The following SSBP3 variants were observed in gnomAD, a reference collection of about 807,000 sequenced individuals.
SSBP3 encodes the protein single-stranded DNA-binding protein 3.
Under a neutral mutation model 69.6 loss-of-function variants are expected in SSBP3, and 5 were observed. That is an observed-to-expected ratio of 0.07 (90% CI 0.04 to 0.15). SSBP3 has a LOEUF of 0.15. Among genes scored for constraint, SSBP3 ranks in the 10% least tolerant of loss-of-function variants. The pLI, the probability that SSBP3 is intolerant of heterozygous loss-of-function variation, is 1.00. For missense variants in SSBP3, 312 were observed against 534.0 expected, an observed-to-expected ratio of 0.58 and a Z score of 4.10; for synonymous variants, 196 against 193.4, an observed-to-expected ratio of 1.01 and a Z score of -0.11.
intron 7 of SSBP3, among the ~76,000 whole-genome samples, chr1:54,254,938 T>C (rs1423299283): frequency 6.6e-6 from 1 of 152,154 alleles, no homozygotes; most frequent in Admixed American, 6.5e-5. Context: ...GTCCCAGCGA[T>C]TCTCCTGCCT....
chr1:54,350,341 G>A (rs529239703), intron 4 of SSBP3, among the ~76,000 whole-genome samples: 3 of 152,296 alleles, frequency 2.0e-5, no homozygotes, highest in South Asian at 2.1e-4. Context: ...TTGAAAGTGC[G>A]GAACAAGCGC....
At chr1:54,299,387 T>A (rs7531781) in intron 4 of SSBP3, among the ~76,000 whole-genome samples, 104,409 of 151,970 alleles carry the variant, frequency 0.69, 36,061 homozygotes, top group East Asian at 0.91. Context: ...TCCCCTACCC[T>A]CTGCCATTTT....
chr1:54,334,525 T>C (rs1481559356), intron 4 of SSBP3, among the ~76,000 whole-genome samples: 1 of 152,204 alleles, frequency 6.6e-6, no homozygotes, highest in Non-Finnish European at 1.5e-5. Flanking sequence ...GCTCTGAGTC[T>C]GACCTGGATT....
intron 4 of SSBP3, among the ~76,000 whole-genome samples, chr1:54,386,683 C>CCTTTT (rs1648105405): frequency 1.3e-5 from 1 of 76,136 alleles, no homozygotes; most frequent in African/African-American, 6.9e-5. Flanking sequence ...ACTGATCCTA[C>CCTTTT]TTTTTTTTTT....
At chr1:54,312,582 CAT>C (rs1437202487) in intron 4 of SSBP3, among the ~76,000 whole-genome samples, 1 of 152,086 alleles carries the variant, frequency 6.6e-6, no homozygotes, top group African/African-American at 2.4e-5. Flanking sequence ...TGCAGGATTA[CAT>C]AGAGGACCAG....
intron 5 of SSBP3, among the ~76,000 whole-genome samples, chr1:54,275,376 C>G (rs547408693): frequency 1.3e-5 from 2 of 152,222 alleles, no homozygotes; most frequent in Admixed American, 1.3e-4. Flanking sequence ...CCAAGTCTCC[C>G]CTTGTCACAA....
At chr1:54,320,926 C>T (rs187651439) in intron 4 of SSBP3, among the ~76,000 whole-genome samples, 67 of 152,280 alleles carry the variant, frequency 4.4e-4, no homozygotes, top group African/African-American at 1.6e-3. Flanking sequence ...TAGTTTATTC[C>T]GCTCTGGGAG....
At chr1:54,302,566 A>C (rs141896654) in intron 4 of SSBP3, among the ~76,000 whole-genome samples, 1 of 152,056 alleles carries the variant, frequency 6.6e-6, no homozygotes, top group African/African-American at 2.4e-5. Context: ...TATTCCTTTA[A>C]TATTTGTTTC....
intron 7 of SSBP3, among the ~76,000 whole-genome samples, chr1:54,253,737 C>T (rs969659097): frequency 3.3e-5 from 5 of 152,136 alleles, no homozygotes; most frequent in Non-Finnish European, 5.9e-5. Flanking sequence ...CTGGGGGATC[C>T]CAGGACATGG....
chr1:54,409,726 C>G (rs893401616), upstream of SSBP3, among the ~76,000 whole-genome samples: 2 of 152,112 alleles, frequency 1.3e-5, no homozygotes, highest in Admixed American at 1.3e-4. Context: ...TCTCTCTGTC[C>G]CCCATCTTTC....
rs886149211 is a variant in SSBP3, at chr1:54,260,372, C to A, written c.367-2223G>T. ...TCAGGGCGAGCAGTGGGGCTCTGGG[C>A]AAGCCCCTCACACCTGTGTGCCCAG... On this transcript the variant is annotated intron_variant, in intron 5 of 17. Transcript: ENST00000610401. 3.9e-5 allele frequency among the ~76,000 whole-genome samples: 6 copies of A among 152,230 alleles called. No homozygotes were observed. In the East Asian group the frequency reaches 9.6e-4, roughly 24 times the overall value.
Position 54,404,458 on chromosome 1 carries a change from T to C in SSBP3, c.191+118A>G, listed in dbSNP as rs1485163553. 2.4e-6 allele frequency: 3 copies of C among 1,258,538 alleles called. No individual in the cohort carries two copies. The Admixed American group carries it at 5.4e-5, about 23-fold the overall frequency. 78.0% of individuals were successfully genotyped at this position (1,258,538 alleles called of 1,614,324 possible). On this transcript the variant is annotated intron_variant, in intron 3 of 17. Coordinates refer to ENST00000610401, the Ensembl canonical transcript of SSBP3. ...CGGAGTGCCTCGAGGTGCCCCGCTC[T>C]GTGCAACGCAGAGGGCCACAGGGCG...
At chr1:54,344,014 G>A (rs1194056350) in intron 4 of SSBP3, among the ~76,000 whole-genome samples, 1 of 152,176 alleles carries the variant, frequency 6.6e-6, no homozygotes, top group Non-Finnish European at 1.5e-5. Flanking sequence ...AAAAAGAAGA[G>A]ATGGTGGGAA....
chr1:54,239,624 C>T (rs986650499), intron 13 of SSBP3, among the ~76,000 whole-genome samples: 1 of 152,214 alleles, frequency 6.6e-6, no homozygotes, highest in Non-Finnish European at 1.5e-5. Flanking sequence ...GCCACCCTGC[C>T]AGGCTGATGG....
intron 4 of SSBP3, among the ~76,000 whole-genome samples, chr1:54,380,399 C>T (rs1466512593): frequency 1.3e-5 from 2 of 152,250 alleles, no homozygotes; most frequent in African/African-American, 4.8e-5. Flanking sequence ...AGGCCACAAT[C>T]GGCTTTGGAT....
At chr1:54,354,831 T>C (rs1646838099) in intron 4 of SSBP3, among the ~76,000 whole-genome samples, 1 of 152,106 alleles carries the variant, frequency 6.6e-6, no homozygotes, top group African/African-American at 2.4e-5. Context: ...CACGGTGCCT[T>C]AGGGAGGAGT....
At chr1:54,232,404 G>T (rs908105658) in intron 14 of SSBP3, among the ~76,000 whole-genome samples, 1 of 152,082 alleles carries the variant, frequency 6.6e-6, no homozygotes, top group Non-Finnish European at 1.5e-5. Context: ...CTACAGGCTC[G>T]AGCCACTGCA....
At chr1:54,259,662 G>C (rs573522349) in intron 5 of SSBP3, among the ~76,000 whole-genome samples, 58 of 152,388 alleles carry the variant, frequency 3.8e-4, no homozygotes, top group African/African-American at 1.2e-3. Flanking sequence ...TGCAGAGCCA[G>C]GCTGCCAGCC....
In SSBP3 at chr1:54,227,180, AAG is replaced by A. The variant is rs1491215766; in HGVS notation, c.1138-22_1138-21del. ...AGAATACTGGAAAGGAGAAGCAGAG[AAG>A]GGGGGGGGGTGAGGATTGTGGGGAG... On this transcript the variant is annotated intron_variant, in intron 17 of 17. Transcript: ENST00000610401. 2.8e-5 allele frequency: 10 copies of A among 354,666 alleles called. No individual in the cohort carries two copies. Among genetic ancestry groups the A allele is most frequent in the Admixed American group, 8.6e-5 (2 of 23,340 alleles). 22.0% of individuals were successfully genotyped at this position (354,666 alleles called of 1,614,324 possible).
Sources: gnomAD v4.1 joint callset for allele counts (sites outside exome capture counted in the v4.1 genomes callset) on GRCh38, gnomAD v4.1.1 for gene constraint, MANE v1.5 for transcripts, NCBI Gene and HGNC (gene_info 2026-07-23, HGNC 2026-07-21) for gene names.